SNUPN: variants seen among roughly 807,000 people sequenced by gnomAD.
SNUPN encodes the protein snurportin 1.
SNUPN carries 31 observed loss-of-function variants against 39.2 expected under a neutral mutation model. That is an observed-to-expected ratio of 0.79 (90% CI 0.59 to 1.07). The LOEUF (loss-of-function observed/expected upper bound fraction) is 1.07, where lower values mean the gene tolerates loss of function less well. Ranked by LOEUF, SNUPN falls within the 50% of genes least tolerant of loss-of-function variation. The probability of loss-of-function intolerance (pLI) is 0.00; values close to 1 mark genes in which losing one functional copy is unlikely to be tolerated. For synonymous variants in SNUPN, 132 were observed against 159.0 expected (o/e 0.83, Z 1.28); for missense variants, 382 against 434.2 (o/e 0.88, Z 1.07).
At chr15:75,610,044 A>G (rs952163225) in intron 3 of SNUPN, 50 bp from the exon 4 acceptor site, 6 of 1,366,582 alleles carry the variant, frequency 4.4e-6, no homozygotes, top group Non-Finnish European at 6.3e-6. Context: ...GTGCTACTCG[A>G]AAGTCTGCAA....
intron 2 of SNUPN, among the ~76,000 whole-genome samples, chr15:75,619,929 A>C (rs1476415094): frequency 6.6e-6 from 1 of 151,922 alleles, no homozygotes; most frequent in Non-Finnish European, 1.5e-5. Flanking sequence ...TTGTATTTTT[A>C]GTAGAGACAA....
At chr15:75,605,303 CT>C in intron 6 of SNUPN, 76 bp from the exon 7 acceptor site, 12 of 888,790 alleles carry the variant, frequency 1.4e-5, no homozygotes, top group East Asian at 2.8e-5. Context: ...ACACCCCATG[CT>C]ATTTTTTTTT....
chr15:75,612,097 A>G (rs1161109135), intron 3 of SNUPN, among the ~76,000 whole-genome samples: 1 of 150,474 alleles, frequency 6.6e-6, no homozygotes, highest in African/African-American at 2.4e-5. Context: ...CAGTGGCACA[A>G]TCTCGGTTCA....
intron 6 of SNUPN, among the ~76,000 whole-genome samples, chr15:75,605,600 G>A (rs1266302389): frequency 6.6e-6 from 1 of 151,838 alleles, no homozygotes; most frequent in Non-Finnish European, 1.5e-5. Context: ...GCGCCCACCG[G>A]GCCTCTTCAT....
Position 75,620,973 on chromosome 15 carries a change from G to C in SNUPN, c.79C>G (p.Arg27Gly), listed in dbSNP as rs145301521. Residue 27 changes from arginine (R) to glycine (G), a missense_variant, in exon 2 of 9, where the codon CGC becomes GGC. Transcript: ENST00000308588. ...TACTTGGACTTGTACTGGGATAGGC[G>C]GGGGTGTGGGGCAGCTGTGCTGTTC... ...DLNSTAAPHP[R>G]LSQYKSKYSS... 1 of 1,613,888 alleles carries C rather than the reference G, an allele frequency of 6.2e-7. No homozygotes were observed. The highest frequency in any genetic ancestry group is 1.1e-5 in the South Asian group (1 of 91,080).
At chr15:75,622,249 A>T (rs1246888407) in intron 1 of SNUPN, 5 of 601,340 alleles carry the variant, frequency 8.3e-6, no homozygotes, top group Non-Finnish European at 1.0e-5. Flanking sequence ...TTTATTTTTT[A>T]AAAAATCTGA....
In SNUPN at chr15:75,609,909, GCT is replaced by G; in HGVS notation, c.387_388del (p.Arg129SerfsTer49). 1 of 1,613,866 alleles carries G rather than the reference GCT, an allele frequency of 6.2e-7. No individual in the cohort carries two copies. Among genetic ancestry groups the G allele is most frequent in the South Asian group, 1.1e-5 (1 of 91,064 alleles). ...ACTCACCCTGGAGGCCACGATAAGG[GCT>G]CTTTTTCCAACAGGGCACACGACCA... is the stretch of plus-strand genomic sequence containing the variant. On this transcript the variant is annotated frameshift_variant, in exon 4 of 9. Coordinates refer to ENST00000308588, the MANE Select transcript of SNUPN (RefSeq NM_005701.4). LOFTEE classifies it high-confidence loss of function.
intron 7 of SNUPN, among the ~76,000 whole-genome samples, chr15:75,603,509 A>C (rs2075307145): frequency 6.6e-6 from 1 of 150,790 alleles, no homozygotes; most frequent in Non-Finnish European, 1.5e-5. Context: ...AAAATACAAA[A>C]AATTAGCCGG....
At position 75,598,184 on chromosome 15, in the gene SNUPN, C is replaced by T. The variant is rs1236434714; in HGVS notation, c.*174G>A. 1 of 573,138 alleles carries T rather than the reference C, an allele frequency of 1.7e-6. No individual in the cohort carries two copies. Among genetic ancestry groups the T allele is most frequent in the African/African-American group, 1.9e-5 (1 of 53,598 alleles). The allele number at this position is 573,138 out of a possible 1,614,324, so 35.5% of individuals were successfully genotyped here. On this transcript the variant is annotated 3_prime_UTR_variant, in exon 9 of 9. Transcript: ENST00000308588. ...TCTGAATGCTACGCAATCTGGGAAC[C>T]TCCCCATAACTGTTTGAGCCAGCAT... is the stretch of plus-strand genomic sequence containing the variant.
chr15:75,598,565 A>G lies in SNUPN; in HGVS notation c.876T>C (p.Ala292=). The change falls in exon 9 of 9, where the codon GCT becomes GCC. Residue 292 remains alanine (A), a synonymous_variant. Coordinates refer to ENST00000308588, the MANE Select transcript of SNUPN (RefSeq NM_005701.4). ...AGTCTGGCTTGGTGGTCAGCGGGCC[A>G]GCCGGCACAGCTACACCAAGGACAT... The part of the protein sequence containing the change: ...VSDVLGVAVP[A]GPLTTKPDYA... 6.2e-7 allele frequency: 1 copy of G among 1,614,162 alleles called. No individual in the cohort carries two copies. The highest frequency in any genetic ancestry group is 8.5e-7 in the Non-Finnish European group (1 of 1,180,020).
intron 8 of SNUPN, among the ~76,000 whole-genome samples, chr15:75,599,384 G>A (rs1308116140): frequency 1.3e-5 from 2 of 152,276 alleles, no homozygotes; most frequent in African/African-American, 4.8e-5. Context: ...AGATTCCACG[G>A]ACTTTCCACC....
At chr15:75,603,662 A>T (rs866280590) in intron 7 of SNUPN, among the ~76,000 whole-genome samples, 3,163 of 139,152 alleles carry the variant, frequency 0.023, 46 homozygotes, top group South Asian at 0.066. Flanking sequence ...CTCTGTCTCA[A>T]AAAAAAAAAA....
At chr15:75,623,373 T>C (rs533245309) in intron 1 of SNUPN, among the ~76,000 whole-genome samples, 2,705 of 151,806 alleles carry the variant, frequency 0.018, 82 homozygotes, top group East Asian at 0.11. Flanking sequence ...ATGGTCTCGA[T>C]CTCCCGACCT....
At position 75,625,665 on chromosome 15, in the gene SNUPN, C is replaced by G. The variant is rs1893208483; in HGVS notation, c.-6+1G>C. 1 of 151,788 alleles carries G rather than the reference C, an allele frequency of 6.6e-6. No individual in the cohort carries two copies. Among genetic ancestry groups the G allele is most frequent in the African/African-American group, 2.4e-5 (1 of 41,210 alleles). The allele number at this position is 151,788 out of a possible 1,614,324, so 9.4% of individuals were successfully genotyped here. A position where few individuals can be genotyped will look rare whatever the true frequency, so the allele number is the denominator to read the frequency against. On this transcript the variant is annotated splice_donor_variant, in intron 1 of 8. Transcript: ENST00000308588. LOFTEE classifies it low-confidence loss of function (5UTR_SPLICE). ...GCCCGGGCTCGAACCCAGGGACTCA[C>G]CCAAACCGAGGTGACCGTCGCACGC...
chr15:75,621,141 C>T, intron 1 of SNUPN, 85 bp from the exon 2 acceptor site: 4 of 1,314,498 alleles, frequency 3.0e-6, no homozygotes, highest in Non-Finnish European at 4.2e-6. Flanking sequence ...GATATGATGG[C>T]CACATTCCTG....
intron 6 of SNUPN, among the ~76,000 whole-genome samples, chr15:75,606,504 C>A (rs1035262565): frequency 6.6e-6 from 1 of 151,886 alleles, no homozygotes; most frequent in Non-Finnish European, 1.5e-5. Flanking sequence ...ACCAAAACCC[C>A]CAAACCCACC....
intron 3 of SNUPN, among the ~76,000 whole-genome samples, chr15:75,613,642 C>CAAA (rs58623437): frequency 1.0e-4 from 13 of 128,444 alleles, no homozygotes; most frequent in African/African-American, 2.1e-4. Flanking sequence ...GACTCCAACT[C>CAAA]AAAAAAAAAA....
intron 3 of SNUPN, among the ~76,000 whole-genome samples, chr15:75,611,939 T>C (rs975089223): frequency 2.6e-5 from 4 of 152,176 alleles, no homozygotes; most frequent in Admixed American, 1.3e-4. Context: ...TTCTTGATGC[T>C]GCCTTCTTGC....
intron 3 of SNUPN, among the ~76,000 whole-genome samples, chr15:75,614,381 T>C (rs1253297410): frequency 6.6e-6 from 1 of 152,108 alleles, no homozygotes; most frequent in Non-Finnish European, 1.5e-5. Context: ...CAAATAGCCA[T>C]AAACTGAAGA....
Sources: allele counts gnomAD v4.1 joint callset (sites outside exome capture counted in the v4.1 genomes callset), GRCh38; gene constraint gnomAD v4.1.1; transcripts MANE v1.5; gene names NCBI Gene and HGNC (gene_info 2026-07-23, HGNC 2026-07-21).